PLPPR1: variants seen among roughly 807,000 people sequenced by gnomAD.
PLPPR1 encodes phospholipid phosphatase related 1.
A neutral mutation model predicts 33.1 loss-of-function variants in PLPPR1; 10 were observed. That is an observed-to-expected ratio of 0.30 (90% CI 0.19 to 0.51). The LOEUF is 0.51. Among genes scored for constraint, PLPPR1 ranks in the 20% least tolerant of loss-of-function variants. The pLI, the probability that PLPPR1 is intolerant of heterozygous loss-of-function variation, is 0.97. For synonymous variants in PLPPR1, 151 were observed against 151.0 expected (o/e 1.00, Z 0.00); for missense variants, 304 against 408.1 (o/e 0.74, Z 2.20).
At chr9:101,172,271 C>T (rs1442406699) in intron 1 of PLPPR1, among the ~76,000 whole-genome samples, 2 of 151,658 alleles carry the variant, frequency 1.3e-5, no homozygotes, top group East Asian at 3.9e-4. Flanking sequence ...TGCAGACTGG[C>T]TATAACATGT....
intron 2 of PLPPR1, among the ~76,000 whole-genome samples, chr9:101,202,821 C>T (rs1157188319): frequency 1.3e-5 from 2 of 152,120 alleles, no homozygotes; most frequent in Non-Finnish European, 2.9e-5. Flanking sequence ...GAGGTTTATT[C>T]CCAGAGGCAT....
intron 2 of PLPPR1, among the ~76,000 whole-genome samples, chr9:101,233,214 A>G (rs1462386957): frequency 2.6e-5 from 4 of 152,058 alleles, no homozygotes; most frequent in African/African-American, 9.7e-5. Flanking sequence ...GTTTACTACC[A>G]TAACAAGCTT....
At chr9:101,078,994 GT>G (rs1201979434) in intron 1 of PLPPR1, among the ~76,000 whole-genome samples, 1 of 152,136 alleles carries the variant, frequency 6.6e-6, no homozygotes, top group African/African-American at 2.4e-5. Context: ...TAAAAATAGT[GT>G]TTTGAAAAAT....
intron 2 of PLPPR1, 22 bp downstream of exon 2, chr9:101,185,579 T>C (rs1296588794): frequency 2.0e-6 from 3 of 1,467,824 alleles, no homozygotes; most frequent in Non-Finnish European, 2.8e-6. Flanking sequence ...TTTTAACCTT[T>C]ATGGACAAAT....
At chr9:101,056,858 G>C (rs1422962980) in intron 1 of PLPPR1, among the ~76,000 whole-genome samples, 1 of 152,146 alleles carries the variant, frequency 6.6e-6, no homozygotes, top group Admixed American at 6.6e-5. Flanking sequence ...GGAGTGGACT[G>C]AAGTATGAAC....
chr9:101,089,168 A>G (rs1357506611), intron 1 of PLPPR1, among the ~76,000 whole-genome samples: 1 of 152,152 alleles, frequency 6.6e-6, no homozygotes, highest in Non-Finnish European at 1.5e-5. Context: ...CAGTTTTATC[A>G]TTCAATCCTC....
intron 2 of PLPPR1, among the ~76,000 whole-genome samples, chr9:101,222,188 ATGTATGACAG>A (rs1163630554): frequency 4.6e-5 from 7 of 152,218 alleles, no homozygotes; most frequent in African/African-American, 7.2e-5. Context: ...AGCCAGCAGT[ATGTATGACAG>A]TCCCATCATA....
chr9:101,046,342 C>G (rs571326923), intron 1 of PLPPR1, among the ~76,000 whole-genome samples: 14 of 152,152 alleles, frequency 9.2e-5, no homozygotes, highest in African/African-American at 3.4e-4. Flanking sequence ...GTTCATACTT[C>G]CCCTCCACCC....
At chr9:101,111,020 G>C (rs944650505) in intron 1 of PLPPR1, among the ~76,000 whole-genome samples, 1 of 152,044 alleles carries the variant, frequency 6.6e-6, no homozygotes, top group Non-Finnish European at 1.5e-5. Flanking sequence ...TGGAATTATA[G>C]TTTGTTATTA....
intron 4 of PLPPR1, among the ~76,000 whole-genome samples, chr9:101,299,674 G>C (rs1325884683): frequency 1.3e-5 from 2 of 152,152 alleles, no homozygotes; most frequent in African/African-American, 4.8e-5. Context: ...CTCCAATAAA[G>C]GACTGAGCAG....
chr9:101,267,395 C>T (rs1471191234), intron 2 of PLPPR1, among the ~76,000 whole-genome samples: 2 of 152,154 alleles, frequency 1.3e-5, no homozygotes, highest in East Asian at 3.9e-4. Context: ...AAACCAATTA[C>T]TTCAAACAGC....
At chr9:101,214,247 CT>C (rs1252236433) in intron 2 of PLPPR1, among the ~76,000 whole-genome samples, 1 of 152,184 alleles carries the variant, frequency 6.6e-6, no homozygotes, top group Non-Finnish European at 1.5e-5. Flanking sequence ...ACAATTTGAC[CT>C]GCTACAGAGG....
chr9:101,317,045 C>A (rs908690420), intron 6 of PLPPR1, among the ~76,000 whole-genome samples: 13 of 151,938 alleles, frequency 8.6e-5, no homozygotes, highest in African/African-American at 3.1e-4. Context: ...ACATAGTGGC[C>A]CTCAATAAAT....
chr9:101,201,631 G>A (rs920170877), intron 2 of PLPPR1, among the ~76,000 whole-genome samples: 1 of 152,060 alleles, frequency 6.6e-6, no homozygotes, highest in Non-Finnish European at 1.5e-5. Context: ...AGTTTTTAAG[G>A]TGCCTAGAAC....
intron 2 of PLPPR1, among the ~76,000 whole-genome samples, chr9:101,217,671 A>G (rs947410701): frequency 1.3e-5 from 2 of 152,190 alleles, no homozygotes; most frequent in African/African-American, 4.8e-5. Flanking sequence ...TAAAACTATA[A>G]AAACAGGCAA....
At chr9:101,246,278 C>T (rs1564015184) in intron 2 of PLPPR1, among the ~76,000 whole-genome samples, 1 of 151,498 alleles carries the variant, frequency 6.6e-6, no homozygotes, top group Non-Finnish European at 1.5e-5. Flanking sequence ...AGTAGTAGCA[C>T]ATGAAATAAA....
chr9:101,302,297 A>ATAGTT (rs1828768610), intron 4 of PLPPR1, among the ~76,000 whole-genome samples: 1 of 152,262 alleles, frequency 6.6e-6, no homozygotes, highest in Non-Finnish European at 1.5e-5. Context: ...CATGGCAGTC[A>ATAGTT]TAGTTAAACA....
chr9:101,241,751 CTGGGCAGCAAAACCTTT>C (rs1386354586), intron 2 of PLPPR1, among the ~76,000 whole-genome samples: 1 of 152,070 alleles, frequency 6.6e-6, no homozygotes, highest in African/African-American at 2.4e-5. Context: ...TTCCTTGTAA[CTGGGCAGCAAAACCTTT>C]CTTGAAGGAA....
intron 1 of PLPPR1, among the ~76,000 whole-genome samples, chr9:101,075,271 A>T (rs979520927): frequency 6.6e-6 from 1 of 152,188 alleles, no homozygotes; most frequent in African/African-American, 2.4e-5. Flanking sequence ...ATCAAAATAA[A>T]TTTGAATTCT....
Sources: gnomAD v4.1 joint callset for allele counts (sites outside exome capture counted in the v4.1 genomes callset) on GRCh38, gnomAD v4.1.1 for gene constraint, MANE v1.5 for transcripts, NCBI Gene and HGNC (gene_info 2026-07-23, HGNC 2026-07-21) for gene names.